The following COL27A1 variants were observed in gnomAD, a reference collection of about 807,000 sequenced individuals.
The protein encoded by COL27A1 is collagen alpha-1(XXVII) chain.
COL27A1 carries 106 observed loss-of-function variants against 251.3 expected under a neutral mutation model. The observed-to-expected ratio is 0.42, with a 90% CI of 0.36 to 0.50. The LOEUF (loss-of-function observed/expected upper bound fraction) is 0.50, where lower values mean the gene tolerates loss of function less well. COL27A1 is among the 20% of genes least tolerant of loss of function. The pLI, the probability that COL27A1 is intolerant of heterozygous loss-of-function variation, is 0.00. For missense variants in COL27A1, 2,325 were observed against 2,522.8 expected (o/e 0.92, Z 1.68); for synonymous variants, 1,000 against 986.3 (o/e 1.01, Z -0.26).
chr9:114,274,256 C>T (rs918649818), intron 36 of COL27A1: 1 of 151,530 alleles, frequency 6.6e-6, no homozygotes, highest in Admixed American at 6.6e-5. Flanking sequence ...AAGCCCATGC[C>T]AAGGGTTGCC....
intron 14 of COL27A1, among the ~76,000 whole-genome samples, chr9:114,225,133 A>G (rs1035357705): frequency 1.3e-5 from 2 of 152,084 alleles, no homozygotes; most frequent in Non-Finnish European, 2.9e-5. Flanking sequence ...CAGTCTGGCA[A>G]CGCTATTTGC....
rs564558369 is a variant in COL27A1, at chr9:114,312,075, C to T, written c.*1380C>T. On this transcript the variant is annotated 3_prime_UTR_variant, in exon 61 of 61. Coordinates refer to ENST00000356083, the MANE Select transcript of COL27A1 (RefSeq NM_032888.4). The stretch of plus-strand genomic sequence containing the variant: ...CTCTGAATTGTGCTACATCAGCGAA[C>T]AAGTCGGCGCTTGAATTGGATTTTG... The T allele has an allele frequency of 2.8e-4, 42 of 152,312 alleles. No individual in the cohort carries two copies. The highest frequency in any genetic ancestry group is 9.9e-4 in the African/African-American group (41 of 41,548). The allele number at this position is 152,312 out of a possible 1,614,324, so 9.4% of individuals were successfully genotyped here. A position where few individuals can be genotyped will look rare whatever the true frequency, so the allele number is the denominator to read the frequency against.
At chr9:114,241,652 T>C (rs28433582) in intron 21 of COL27A1, among the ~76,000 whole-genome samples, 17,953 of 152,200 alleles carry the variant, frequency 0.12, 1,226 homozygotes, top group African/African-American at 0.17. Context: ...CTTGTTCACA[T>C]CTTCATTCAT....
rs1412056335 is a variant in COL27A1 at position 114,309,283 on chromosome 9, C to G, written c.5241C>G (p.Val1747=). 1 of 1,614,158 alleles carries G rather than the reference C, an allele frequency of 6.2e-7. No individual in the cohort carries two copies. The highest frequency in any genetic ancestry group is 8.5e-7 in the Non-Finnish European group (1 of 1,180,034). Residue 1747 remains valine, a synonymous_variant, in exon 60 of 61, where the codon GTC becomes GTG. Transcript: ENST00000356083. ...AGGTCGAGTTTGCCATCAGCCGGGT[C>G]CAGATGAATTTCCTGCACCTGCTAA... is the stretch of plus-strand genomic sequence containing the variant. ...ASKVEFAISR[V]QMNFLHLLSS... is the part of the protein sequence containing the mutation.
chr9:114,307,479 G>C (rs1478839009), intron 58 of COL27A1, 190 bp from the exon 59 acceptor site: 2 of 581,662 alleles, frequency 3.4e-6, no homozygotes, highest in Non-Finnish European at 6.2e-6. Flanking sequence ...TGGGGGCTCT[G>C]CCAGTTGTGA....
At chr9:114,241,566 G>C (rs1053092542) in intron 21 of COL27A1, among the ~76,000 whole-genome samples, 2 of 152,174 alleles carry the variant, frequency 1.3e-5, no homozygotes, top group African/African-American at 4.8e-5. Flanking sequence ...GAAGGGGAGA[G>C]GAGGGAACGG....
chr9:114,257,984 G>A (rs1319718100), intron 27 of COL27A1, among the ~76,000 whole-genome samples: 1 of 152,118 alleles, frequency 6.6e-6, no homozygotes, highest in East Asian at 1.9e-4. Flanking sequence ...GATCACTTGA[G>A]CCTAGGAGTT....
chr9:114,253,643 C>A (rs547687553), intron 27 of COL27A1, among the ~76,000 whole-genome samples: 88 of 152,114 alleles, frequency 5.8e-4, no homozygotes, highest in Non-Finnish European at 1.9e-4. Flanking sequence ...GCAGATCTGA[C>A]TGTATTCCTG....
Position 114,236,917 on chromosome 9 carries a change from G to A in COL27A1, c.2620-64G>A. The A allele has an allele frequency of 3.4e-6, 5 of 1,489,660 alleles. No homozygotes were observed. The South Asian group carries it at 4.6e-5, about 14-fold the overall frequency. 92.3% of individuals were successfully genotyped at this position (1,489,660 alleles called of 1,614,324 possible). On this transcript the variant is annotated intron_variant, in intron 17 of 60. Transcript: ENST00000356083. ...GGGCCTGGGACCAGCAGGAGGACTG[G>A]GCGGCTGTTCACCTGGCCATTTCTC...
At chr9:114,228,574 A>G (rs1831685337) in intron 14 of COL27A1, among the ~76,000 whole-genome samples, 1 of 152,220 alleles carries the variant, frequency 6.6e-6, no homozygotes, top group South Asian at 2.1e-4. Flanking sequence ...TGTGAATCCC[A>G]GCGGTGCCCC....
chr9:114,244,570 A>G (rs563045329), intron 23 of COL27A1, among the ~76,000 whole-genome samples: 12 of 152,294 alleles, frequency 7.9e-5, no homozygotes, highest in African/African-American at 2.6e-4. Context: ...GTTAGGACAG[A>G]GCCAGGGGGA....
chr9:114,310,810 T>C lies in COL27A1; in HGVS notation c.*115T>C, dbSNP rs1188709510. The stretch of plus-strand genomic sequence containing the variant: ...AGGCAGCTCCCCTGCCCAAGGGTCC[T>C]TGGGCAGACCCCAGCTGTTGTCTGC... On this transcript the variant is annotated 3_prime_UTR_variant, in exon 61 of 61. Coordinates refer to ENST00000356083, the MANE Select transcript of COL27A1 (RefSeq NM_032888.4). 4.6e-6 allele frequency: 5 copies of C among 1,088,532 alleles called. No individual in the cohort carries two copies. In the East Asian group the frequency reaches 1.0e-4, roughly 22 times the overall value. The allele number at this position is 1,088,532 out of a possible 1,614,324, so 67.4% of individuals were successfully genotyped here. A position where few individuals can be genotyped will look rare whatever the true frequency, so the allele number is the denominator to read the frequency against.
chr9:114,249,919 G>A (rs1428027747), intron 24 of COL27A1, among the ~76,000 whole-genome samples: 5 of 152,212 alleles, frequency 3.3e-5, no homozygotes, highest in Non-Finnish European at 2.9e-5. Context: ...ATAAGAAATT[G>A]ATGGGCCTTC....
chr9:114,303,974 A>T (rs1195150919), intron 56 of COL27A1, among the ~76,000 whole-genome samples: 4 of 152,218 alleles, frequency 2.6e-5, no homozygotes, highest in South Asian at 4.1e-4. Context: ...AGGTTTTCTG[A>T]GACACAGTGC....
intron 56 of COL27A1, among the ~76,000 whole-genome samples, chr9:114,302,553 C>T (rs914137508): frequency 2.0e-5 from 3 of 151,976 alleles, no homozygotes; most frequent in Admixed American, 2.0e-4. Flanking sequence ...ATGGTGAAAC[C>T]CTGTCTCTAC....
intron 5 of COL27A1, among the ~76,000 whole-genome samples, chr9:114,193,832 C>T (rs1828913945): frequency 6.6e-6 from 1 of 151,934 alleles, no homozygotes; most frequent in Admixed American, 6.5e-5. Context: ...CCTGAGAGCC[C>T]CAGGGGAACA....
At chr9:114,179,533 T>G (rs1019279617) in intron 4 of COL27A1, among the ~76,000 whole-genome samples, 2 of 152,226 alleles carry the variant, frequency 1.3e-5, no homozygotes, top group Non-Finnish European at 2.9e-5. Flanking sequence ...AAATGCCACC[T>G]TTATTTCTGA....
intron 44 of COL27A1, 69 bp from the exon 45 acceptor site, chr9:114,289,173 C>A: frequency 9.0e-7 from 1 of 1,107,978 alleles, no homozygotes; most frequent in East Asian, 2.6e-5. Flanking sequence ...CCCCTCCAGG[C>A]GGAGACTGGC....
chr9:114,292,300 TAC>T (rs546884882), intron 49 of COL27A1, 90 bp downstream of exon 49: 31 of 1,011,408 alleles, frequency 3.1e-5, no homozygotes, highest in Admixed American at 9.0e-5. Context: ...TGCACACTCA[TAC>T]ACACACACAA....
Sources: allele counts gnomAD v4.1 joint callset (sites outside exome capture counted in the v4.1 genomes callset), GRCh38; gene constraint gnomAD v4.1.1; transcripts MANE v1.5; gene names NCBI Gene and HGNC (gene_info 2026-07-23, HGNC 2026-07-21).